FGF14: variants seen among roughly 807,000 people sequenced by gnomAD.
The protein encoded by FGF14 is fibroblast growth factor homologous factor 4.
FGF14 carries 5 observed loss-of-function variants against 25.5 expected under a neutral mutation model. The observed-to-expected ratio is 0.20, with a 90% CI of 0.10 to 0.41. The LOEUF is 0.41. FGF14 is among the 10% of genes least tolerant of loss of function. FGF14 has a pLI of 1.00. For synonymous variants in FGF14, 138 were observed against 118.3 expected (o/e 1.17, Z -1.08); for missense variants, 222 against 320.1 (o/e 0.69, Z 2.34).
intron 1 of FGF14, among the ~76,000 whole-genome samples, chr13:101,978,325 T>G (rs2139591882): frequency 6.6e-6 from 1 of 152,350 alleles, no homozygotes; most frequent in Admixed American, 6.5e-5. Context: ...TTGACATTTC[T>G]AGGCTACTAT....
chr13:102,012,175 G>A (rs1266965897), intron 1 of FGF14, among the ~76,000 whole-genome samples: 1 of 152,084 alleles, frequency 6.6e-6, no homozygotes, highest in African/African-American at 2.4e-5. Context: ...ACCTGAAAAT[G>A]CCTTGTGGAA....
At chr13:102,348,038 T>A (rs1184788313) in intron 1 of FGF14, among the ~76,000 whole-genome samples, 1 of 150,278 alleles carries the variant, frequency 6.7e-6, no homozygotes, top group Non-Finnish European at 1.5e-5. Flanking sequence ...GATAAGCACA[T>A]CTCATGAGGA....
chr13:102,059,438 G>C (rs895891410), intron 1 of FGF14, among the ~76,000 whole-genome samples: 2 of 152,208 alleles, frequency 1.3e-5, no homozygotes, highest in Admixed American at 1.3e-4. Context: ...TCAATAGCCA[G>C]CTTGGAGTAT....
intron 1 of FGF14, chr13:102,393,723 T>A (rs2058491741): frequency 1.3e-5 from 2 of 152,192 alleles, no homozygotes; most frequent in African/African-American, 4.8e-5. Context: ...ACCAGTAAAA[T>A]ACGCGTTTCT....
chr13:102,115,053 GATA>G (rs1490567604), intron 1 of FGF14, among the ~76,000 whole-genome samples: 6 of 152,172 alleles, frequency 3.9e-5, no homozygotes, highest in Non-Finnish European at 7.4e-5. Flanking sequence ...AATGGTAAAG[GATA>G]ATATTTGAGA....
At chr13:101,926,183 G>A (rs760243781) in intron 1 of FGF14, among the ~76,000 whole-genome samples, 1 of 152,182 alleles carries the variant, frequency 6.6e-6, no homozygotes, top group Non-Finnish European at 1.5e-5. Flanking sequence ...CAATCATTCT[G>A]TCTACCACAC....
At chr13:102,017,666 C>A (rs1407368983) in intron 1 of FGF14, among the ~76,000 whole-genome samples, 5 of 152,134 alleles carry the variant, frequency 3.3e-5, no homozygotes. Context: ...TTCTTTAGTT[C>A]TGCAAAGTTT....
rs116447443 is a variant in FGF14, at chr13:102,238,518, A to G, written c.208+162953T>C. On this transcript the variant is annotated intron_variant, in intron 1 of 4. Transcript: ENST00000376131. ...TCACATCTCAATCAGATGATATTTC[A>G]GAGAGAAACTGAACTTCCCTCTTTA... 7.8e-3 allele frequency among the ~76,000 whole-genome samples: 1,189 copies of G among 152,350 alleles called. 15 individuals carry two copies. Among genetic ancestry groups the G allele is most frequent in the African/African-American group, 0.027 (1,135 of 41,582 alleles).
At chr13:101,923,571 T>C (rs2034157098) in intron 1 of FGF14, among the ~76,000 whole-genome samples, 1 of 152,126 alleles carries the variant, frequency 6.6e-6, no homozygotes, top group African/African-American at 2.4e-5. Flanking sequence ...CAGTTTAAGT[T>C]CAAGATCACA....
intron 1 of FGF14, among the ~76,000 whole-genome samples, chr13:102,298,392 G>T (rs544356012): frequency 6.6e-6 from 1 of 152,170 alleles, no homozygotes; most frequent in Admixed American, 6.5e-5. Flanking sequence ...AAATGTTCAA[G>T]GCATGTGTGT....
intron 1 of FGF14, among the ~76,000 whole-genome samples, chr13:102,184,153 G>A (rs944184261): frequency 3.3e-5 from 5 of 152,158 alleles, no homozygotes; most frequent in Admixed American, 2.6e-4. Context: ...AAGAGAAGGT[G>A]GGGATGGGAC....
intron 3 of FGF14, chr13:101,801,917 T>G (rs1594300153): frequency 2.3e-6 from 1 of 430,322 alleles, no homozygotes; most frequent in Admixed American, 2.5e-5. Context: ...GGGTAAGATG[T>G]CTGCTTGTGC....
intron 3 of FGF14, among the ~76,000 whole-genome samples, chr13:101,798,597 T>A (rs2040693026): frequency 2.6e-5 from 4 of 152,100 alleles, no homozygotes; most frequent in South Asian, 2.1e-4. Flanking sequence ...GGGCATGTGG[T>A]CAACATTGAA....
intron 3 of FGF14, among the ~76,000 whole-genome samples, chr13:101,829,621 T>C (rs1402337643): frequency 6.6e-6 from 1 of 151,714 alleles, no homozygotes; most frequent in Non-Finnish European, 1.5e-5. Context: ...AAAAAAAAAA[T>C]GTGGTTCATT....
chr13:101,997,182 G>A (rs1025866343), intron 1 of FGF14, among the ~76,000 whole-genome samples: 13 of 152,122 alleles, frequency 8.5e-5, no homozygotes, highest in Admixed American at 2.0e-4. Flanking sequence ...TCTTTCCCCG[G>A]TAGAAAACAA....
At chr13:102,152,310 A>T (rs1487632022) in intron 1 of FGF14, among the ~76,000 whole-genome samples, 2 of 152,200 alleles carry the variant, frequency 1.3e-5, no homozygotes, top group East Asian at 1.9e-4. Flanking sequence ...AGTACCACAG[A>T]TTGGGTTGCT....
intron 1 of FGF14, among the ~76,000 whole-genome samples, chr13:101,936,181 G>A (rs1204482484): frequency 6.6e-6 from 1 of 152,198 alleles, no homozygotes; most frequent in Non-Finnish European, 1.5e-5. Context: ...CGCTCCTGCA[G>A]GGTCATGCTG....
chr13:101,909,895 T>G (rs1451110052), intron 1 of FGF14, among the ~76,000 whole-genome samples: 1 of 152,056 alleles, frequency 6.6e-6, no homozygotes, highest in African/African-American at 2.4e-5. Context: ...ATATACACCA[T>G]GGAATACAAT....
At chr13:102,333,821 G>A (rs1261352660) in intron 1 of FGF14, among the ~76,000 whole-genome samples, 1 of 152,162 alleles carries the variant, frequency 6.6e-6, no homozygotes, top group Admixed American at 6.5e-5. Flanking sequence ...CGTGTAAAGG[G>A]CTCTTCCCAT....
Sources: gnomAD v4.1 joint callset for allele counts (sites outside exome capture counted in the v4.1 genomes callset) on GRCh38, gnomAD v4.1.1 for gene constraint, MANE v1.5 for transcripts, NCBI Gene and HGNC (gene_info 2026-07-23, HGNC 2026-07-21) for gene names.